MACROD2: variants seen among roughly 807,000 people sequenced by gnomAD.
The protein encoded by MACROD2 is mono-ADP ribosylhydrolase 2.
Under a neutral mutation model 70.4 loss-of-function variants are expected in MACROD2, and 36 were observed. That is an observed-to-expected ratio of 0.51 (90% CI 0.39 to 0.68). The LOEUF is 0.68. MACROD2 is among the 30% of genes least tolerant of loss of function. The pLI is 0.00. For synonymous variants in MACROD2, 172 were observed against 178.8 expected, an observed-to-expected ratio of 0.96 and a Z score of 0.30; for missense variants, 496 against 538.4, an observed-to-expected ratio of 0.92 and a Z score of 0.78.
chr20:15,654,733 A>T (rs1281923723), intron 8 of MACROD2, among the ~76,000 whole-genome samples: 1 of 152,316 alleles, frequency 6.6e-6, no homozygotes, highest in Non-Finnish European at 1.5e-5. Context: ...GCAGCTACAC[A>T]TCTTTCTCTT....
intron 3 of MACROD2, among the ~76,000 whole-genome samples, chr20:14,377,884 C>T (rs1300160180): frequency 6.6e-6 from 1 of 152,150 alleles, no homozygotes; most frequent in African/African-American, 2.4e-5. Flanking sequence ...TGTAAACCAA[C>T]AGCTCTGTGA....
chr20:15,080,999 G>A (rs1329546392), intron 5 of MACROD2, among the ~76,000 whole-genome samples: 1 of 151,762 alleles, frequency 6.6e-6, no homozygotes, highest in East Asian at 1.9e-4. Context: ...ATTATTTATT[G>A]TTTATCTACT....
chr20:14,956,556 A>C (rs2074538751), intron 5 of MACROD2, among the ~76,000 whole-genome samples: 1 of 151,970 alleles, frequency 6.6e-6, no homozygotes, highest in Non-Finnish European at 1.5e-5. Context: ...TTTTTTTAGT[A>C]GTTTGCATTG....
At chr20:14,158,608 G>A (rs1345572051) in intron 3 of MACROD2, among the ~76,000 whole-genome samples, 2 of 152,084 alleles carry the variant, frequency 1.3e-5, no homozygotes, top group Non-Finnish European at 2.9e-5. Flanking sequence ...TAGGGGTCCA[G>A]TTTCATTGTT....
At chr20:15,539,073 T>G (rs2047918412) in intron 8 of MACROD2, among the ~76,000 whole-genome samples, 1 of 152,208 alleles carries the variant, frequency 6.6e-6, no homozygotes, top group South Asian at 2.1e-4. Context: ...TTTATTCTGT[T>G]TTTTCATCTT....
At chr20:14,631,065 G>T (rs1984480785) in intron 4 of MACROD2, among the ~76,000 whole-genome samples, 4 of 152,022 alleles carry the variant, frequency 2.6e-5, no homozygotes, top group Admixed American at 2.6e-4. Flanking sequence ...TTTTTTAAAA[G>T]AATATATGGA....
At chr20:14,699,761 TCTA>T (rs2071170776) in intron 5 of MACROD2, among the ~76,000 whole-genome samples, 1 of 151,936 alleles carries the variant, frequency 6.6e-6, no homozygotes, top group African/African-American at 2.4e-5. Flanking sequence ...GAACTTTAAA[TCTA>T]GAAGTTTAAA....
chr20:14,067,396 C>T (rs1410295880), intron 2 of MACROD2, among the ~76,000 whole-genome samples: 1 of 152,168 alleles, frequency 6.6e-6, no homozygotes, highest in Non-Finnish European at 1.5e-5. Flanking sequence ...GCTGGGATTA[C>T]AGGCATGAGC....
intron 5 of MACROD2, among the ~76,000 whole-genome samples, chr20:14,974,917 C>T (rs537058510): frequency 6.6e-6 from 1 of 152,248 alleles, no homozygotes; most frequent in Admixed American, 6.5e-5. Flanking sequence ...CAAAGGCACA[C>T]ACACAATGAC....
intron 3 of MACROD2, among the ~76,000 whole-genome samples, chr20:14,393,282 A>G (rs748599564): frequency 4.6e-5 from 7 of 152,144 alleles, no homozygotes; most frequent in Non-Finnish European, 8.8e-5. Flanking sequence ...TCTTTCTTTC[A>G]TAAGGAATGG....
At chr20:14,231,896 A>G (rs2081816948) in intron 3 of MACROD2, among the ~76,000 whole-genome samples, 1 of 152,114 alleles carries the variant, frequency 6.6e-6, no homozygotes, top group African/African-American at 2.4e-5. Flanking sequence ...GCCAGTGATG[A>G]TGAGCATTTT....
At chr20:14,217,842 G>A (rs2081636738) in intron 3 of MACROD2, among the ~76,000 whole-genome samples, 1 of 152,014 alleles carries the variant, frequency 6.6e-6, no homozygotes, top group Admixed American at 6.6e-5. Context: ...TTTCAGTGGT[G>A]TCAGCTGTAA....
intron 5 of MACROD2, among the ~76,000 whole-genome samples, chr20:14,754,330 T>C (rs1265548252): frequency 1.3e-5 from 2 of 152,142 alleles, no homozygotes; most frequent in Non-Finnish European, 2.9e-5. Flanking sequence ...TTTTTCTAAT[T>C]TCTTGGAAGG....
intron 8 of MACROD2, among the ~76,000 whole-genome samples, chr20:15,669,036 G>A (rs548998993): frequency 1.3e-5 from 2 of 152,178 alleles, no homozygotes; most frequent in Non-Finnish European, 2.9e-5. Flanking sequence ...AGAGAAACTA[G>A]AGCATTTAGA....
At chr20:15,747,965 T>C (rs2146974933) in intron 8 of MACROD2, among the ~76,000 whole-genome samples, 1 of 152,288 alleles carries the variant, frequency 6.6e-6, no homozygotes, top group African/African-American at 2.4e-5. Flanking sequence ...TATAGGGTTT[T>C]GTCCTCTGCA....
At chr20:15,533,041 T>C (rs1009671895) in intron 8 of MACROD2, among the ~76,000 whole-genome samples, 1 of 152,220 alleles carries the variant, frequency 6.6e-6, no homozygotes, top group East Asian at 1.9e-4. Flanking sequence ...TTCTATGTCT[T>C]CATTCTTCTT....
intron 7 of MACROD2, among the ~76,000 whole-genome samples, chr20:15,452,081 C>T (rs1306708761): frequency 2.6e-5 from 4 of 152,118 alleles, no homozygotes; most frequent in African/African-American, 9.7e-5. Context: ...TGTCTATCAG[C>T]CATCAGTCAG....
intron 8 of MACROD2, among the ~76,000 whole-genome samples, chr20:15,856,920 G>C (rs535168093): frequency 6.6e-6 from 1 of 152,130 alleles, no homozygotes; most frequent in East Asian, 1.9e-4. Context: ...AAAGTTCATC[G>C]AAAAAGAAGT....
chr20:15,989,590 A>G (rs1310529876), intron 15 of MACROD2, among the ~76,000 whole-genome samples: 7 of 152,232 alleles, frequency 4.6e-5, no homozygotes, highest in Non-Finnish European at 7.4e-5. Flanking sequence ...AATTTTTTTT[A>G]CTTTCTTTTT....
Sources: allele counts gnomAD v4.1 joint callset (sites outside exome capture counted in the v4.1 genomes callset), GRCh38; gene constraint gnomAD v4.1.1; transcripts MANE v1.5; gene names NCBI Gene and HGNC (gene_info 2026-07-23, HGNC 2026-07-21).